The following ATOSA variants were observed in gnomAD, a reference collection of about 807,000 sequenced individuals.
The protein encoded by ATOSA is atos homolog A.
the ATOSA span, among the ~76,000 whole-genome samples, chr15:52,697,637 TA>T: frequency 6.6e-6 from 1 of 152,190 alleles, no homozygotes; most frequent in South Asian, 2.1e-4. Flanking sequence ...TGCTCATAAA[TA>T]AATGTTTGCA....
At chr15:52,682,062 C>T in the ATOSA span, among the ~76,000 whole-genome samples, 1 of 152,122 alleles carries the variant, frequency 6.6e-6, no homozygotes, top group East Asian at 1.9e-4. Context: ...CCTATGTATT[C>T]TCTAATATGC....
At chr15:52,658,922 T>C in the ATOSA span, 2 of 394,692 alleles carry the variant, frequency 5.1e-6, no homozygotes, top group Non-Finnish European at 8.9e-6. Flanking sequence ...GAACTGGAGG[T>C]TGCAGTGAGC....
At chr15:52,648,437 A>G in the ATOSA span, among the ~76,000 whole-genome samples, 1 of 152,180 alleles carries the variant, frequency 6.6e-6, no homozygotes, top group South Asian at 2.1e-4. Flanking sequence ...TGGAATATCC[A>G]TCACCACAAA....
the ATOSA span, chr15:52,608,676 T>C: frequency 6.8e-6 from 11 of 1,612,596 alleles, no homozygotes; most frequent in South Asian, 1.1e-5. Flanking sequence ...CTTGCTTATC[T>C]TGTTCATTTT....
chr15:52,651,967 CTG>C, the ATOSA span: 9 of 1,534,456 alleles, frequency 5.9e-6, no homozygotes, highest in Non-Finnish European at 7.0e-6. Context: ...CTATCAGTAA[CTG>C]AGGGATCCAG....
At chr15:52,640,748 G>C in the ATOSA span, among the ~76,000 whole-genome samples, 1 of 151,478 alleles carries the variant, frequency 6.6e-6, no homozygotes, top group Non-Finnish European at 1.5e-5. Flanking sequence ...CAAACTATTT[G>C]AATGATTTTC....
chr15:52,583,369 T>C, the ATOSA span, among the ~76,000 whole-genome samples: 405 of 150,538 alleles, frequency 2.7e-3, no homozygotes, highest in African/African-American at 9.5e-3. Flanking sequence ...GGTATTCTTA[T>C]AGTCTGCTAT....
At chr15:52,677,087 T>C in the ATOSA span, among the ~76,000 whole-genome samples, 1 of 152,212 alleles carries the variant, frequency 6.6e-6, no homozygotes, top group African/African-American at 2.4e-5. Context: ...AGAAAATTTG[T>C]CTAATCACTT....
chr15:52,645,923 C>G, the ATOSA span, among the ~76,000 whole-genome samples: 3 of 152,184 alleles, frequency 2.0e-5, no homozygotes, highest in African/African-American at 7.2e-5. Flanking sequence ...TAAGAATATT[C>G]TGTGTTAAAA....
At chr15:52,700,280 G>A in the ATOSA span, among the ~76,000 whole-genome samples, 5 of 152,234 alleles carry the variant, frequency 3.3e-5, no homozygotes, top group South Asian at 6.2e-4. Flanking sequence ...TATTGTCCAC[G>A]TGTAAAGTTC....
the ATOSA span, chr15:52,651,729 A>T: frequency 1.3e-6 from 1 of 798,740 alleles, no homozygotes. Context: ...CTCTAAGTTC[A>T]ATGGTTTTCA....
the ATOSA span, among the ~76,000 whole-genome samples, chr15:52,629,183 G>A: frequency 4.6e-5 from 7 of 152,006 alleles, no homozygotes; most frequent in Non-Finnish European, 1.0e-4. Flanking sequence ...TCAATATCAC[G>A]TTAGAGGTCA....
the ATOSA span, among the ~76,000 whole-genome samples, chr15:52,683,891 C>G: frequency 1.3e-5 from 2 of 152,330 alleles, no homozygotes; most frequent in African/African-American, 4.8e-5. Context: ...TATGGAAACC[C>G]TTCTGGACTT....
At chr15:52,704,067 T>A in the ATOSA span, among the ~76,000 whole-genome samples, 1 of 152,048 alleles carries the variant, frequency 6.6e-6, no homozygotes, top group Non-Finnish European at 1.5e-5. Flanking sequence ...TTCATTACTT[T>A]GCACAAAAAG....
At chr15:52,640,912 G>A in the ATOSA span, among the ~76,000 whole-genome samples, 1 of 151,950 alleles carries the variant, frequency 6.6e-6, no homozygotes, top group South Asian at 2.1e-4. Context: ...ATTAAAAAAA[G>A]GACTACCATA....
chr15:52,675,232 C>T, the ATOSA span, among the ~76,000 whole-genome samples: 1 of 152,122 alleles, frequency 6.6e-6, no homozygotes, highest in Non-Finnish European at 1.5e-5. Context: ...TCATGCTATA[C>T]CATAACATCT....
chr15:52,617,774 T>TTAC, the ATOSA span, among the ~76,000 whole-genome samples: 4 of 72,370 alleles, frequency 5.5e-5, no homozygotes, highest in African/African-American at 2.2e-4. Context: ...TTATTAATAA[T>TTAC]TTATTATATA....
the ATOSA span, among the ~76,000 whole-genome samples, chr15:52,677,846 C>T: frequency 6.6e-6 from 1 of 152,216 alleles, no homozygotes; most frequent in Non-Finnish European, 1.5e-5. Flanking sequence ...CTTCCATATG[C>T]CTTTCTCTAC....
At chr15:52,657,243 C>A in the ATOSA span, 1 of 151,972 alleles carries the variant, frequency 6.6e-6, no homozygotes, top group African/African-American at 2.4e-5. Context: ...AACAGTCATA[C>A]AAATGACTGA....
Sources: gnomAD v4.1 joint callset for allele counts (sites outside exome capture counted in the v4.1 genomes callset) on GRCh38, gnomAD v4.1.1 for gene constraint, MANE v1.5 for transcripts, NCBI Gene and HGNC (gene_info 2026-07-23, HGNC 2026-07-21) for gene names.